NEGR1: variants seen among roughly 807,000 people sequenced by gnomAD.
NEGR1 encodes the protein IgLON family member 4.
Under a neutral mutation model 40.9 loss-of-function variants are expected in NEGR1, and 10 were observed. That is an observed-to-expected ratio of 0.24 (90% CI 0.15 to 0.42). The LOEUF (loss-of-function observed/expected upper bound fraction) is 0.42, where lower values mean the gene tolerates loss of function less well. Ranked by LOEUF, NEGR1 falls within the 10% of genes least tolerant of loss-of-function variation. NEGR1 has a pLI of 1.00. For synonymous variants in NEGR1, 185 were observed against 166.8 expected, an observed-to-expected ratio of 1.11 and a Z score of -0.84; for missense variants, 352 against 438.9, an observed-to-expected ratio of 0.80 and a Z score of 1.77.
Position 72,239,333 on chromosome 1 carries a change from C to T in NEGR1, c.176+42986G>A, listed in dbSNP as rs561829816. Among the ~76,000 whole-genome samples the T allele has an allele frequency of 4.6e-5, 7 of 151,880 alleles. No homozygotes were observed. In the East Asian group the frequency reaches 1.4e-3, roughly 29 times the overall value. ...AAACAAGACATAATCTTCAATTAAT[C>T]ATCAAATTCTGTTTAGTTGATATTT... On this transcript the variant is annotated intron_variant, in intron 1 of 6. Transcript: ENST00000357731.
intron 1 of NEGR1, among the ~76,000 whole-genome samples, chr1:71,941,464 ATCT>A (rs1267006259): frequency 6.6e-6 from 1 of 152,112 alleles, no homozygotes; most frequent in Non-Finnish European, 1.5e-5. Flanking sequence ...ACTTTATATA[ATCT>A]TATGATTGAC....
chr1:72,187,155 G>T (rs1362689668), intron 1 of NEGR1, among the ~76,000 whole-genome samples: 1 of 151,396 alleles, frequency 6.6e-6, no homozygotes, highest in African/African-American at 2.4e-5. Flanking sequence ...AGCTGGAAGA[G>T]ACTTTTCTTT....
intron 6 of NEGR1, among the ~76,000 whole-genome samples, chr1:71,490,472 A>G (rs915999249): frequency 6.6e-6 from 1 of 152,020 alleles, no homozygotes; most frequent in East Asian, 1.9e-4. Context: ...TTCTAACACA[A>G]CATTGATAGA....
intron 1 of NEGR1, among the ~76,000 whole-genome samples, chr1:72,146,141 T>A (rs918422698): frequency 1.3e-5 from 2 of 152,150 alleles, no homozygotes; most frequent in Admixed American, 6.6e-5. Flanking sequence ...ACTGTGTCAA[T>A]AGCAACACAG....
chr1:71,991,718 C>T (rs2630416), intron 1 of NEGR1, among the ~76,000 whole-genome samples: 74,746 of 152,078 alleles, frequency 0.49, 18,878 homozygotes, highest in East Asian at 0.67. Context: ...CCCAGCTTTA[C>T]AGCCCCAACC....
At chr1:71,976,041 T>A (rs1006598803) in intron 1 of NEGR1, among the ~76,000 whole-genome samples, 1 of 152,236 alleles carries the variant, frequency 6.6e-6, no homozygotes, top group African/African-American at 2.4e-5. Flanking sequence ...AAACATGATT[T>A]TTTAACAAAC....
At chr1:72,005,120 A>G (rs553268867) in intron 1 of NEGR1, among the ~76,000 whole-genome samples, 2 of 152,274 alleles carry the variant, frequency 1.3e-5, no homozygotes, top group East Asian at 3.9e-4. Flanking sequence ...GCATAGAAAC[A>G]TGCATAAGTG....
At chr1:72,236,262 T>TCA (rs556880354) in intron 1 of NEGR1, among the ~76,000 whole-genome samples, 77 of 151,810 alleles carry the variant, frequency 5.1e-4, no homozygotes, top group Non-Finnish European at 9.4e-4. Flanking sequence ...GAGGGGAACA[T>TCA]CACACACTGG....
intron 2 of NEGR1, among the ~76,000 whole-genome samples, chr1:71,927,007 CA>C (rs746458584): frequency 6.6e-6 from 1 of 151,852 alleles, no homozygotes; most frequent in Non-Finnish European, 1.5e-5. Context: ...ATATTTAGAA[CA>C]AAAAAATGTG....
At chr1:71,948,838 C>A (rs1646044163) in intron 1 of NEGR1, among the ~76,000 whole-genome samples, 2 of 152,058 alleles carry the variant, frequency 1.3e-5, no homozygotes, top group African/African-American at 4.8e-5. Context: ...TCAACCATGA[C>A]TTTCTGGCTG....
chr1:71,969,831 T>C (rs956991559), intron 1 of NEGR1, among the ~76,000 whole-genome samples: 2 of 152,210 alleles, frequency 1.3e-5, no homozygotes, highest in African/African-American at 4.8e-5. Flanking sequence ...TGACATCAAG[T>C]CATGAATTAT....
At chr1:72,113,181 G>A (rs1442078747) in intron 1 of NEGR1, among the ~76,000 whole-genome samples, 1 of 151,568 alleles carries the variant, frequency 6.6e-6, no homozygotes, top group Admixed American at 6.6e-5. Flanking sequence ...ATTTATGAAC[G>A]GACTAGCAAG....
intron 6 of NEGR1, among the ~76,000 whole-genome samples, chr1:71,534,562 T>C (rs1030188209): frequency 6.6e-6 from 1 of 151,698 alleles, no homozygotes; most frequent in Non-Finnish European, 1.5e-5. Context: ...CATAACAAGC[T>C]ACAATTAAAA....
chr1:72,084,216 G>A (rs1031542638), intron 1 of NEGR1, among the ~76,000 whole-genome samples: 3 of 152,090 alleles, frequency 2.0e-5, no homozygotes, highest in Non-Finnish European at 4.4e-5. Flanking sequence ...CAGCTATGGG[G>A]TGTGGAAGGA....
At chr1:71,553,702 T>C (rs1025414976) in intron 6 of NEGR1, among the ~76,000 whole-genome samples, 2 of 151,570 alleles carry the variant, frequency 1.3e-5, no homozygotes, top group Non-Finnish European at 3.0e-5. Context: ...GTGCATAATT[T>C]TAAAAAATTT....
chr1:71,584,970 G>A (rs1257118904), intron 6 of NEGR1, among the ~76,000 whole-genome samples: 2 of 152,074 alleles, frequency 1.3e-5, no homozygotes, highest in Non-Finnish European at 2.9e-5. Flanking sequence ...ATAGGTTACT[G>A]GCCAAGGTTG....
At chr1:71,641,467 G>C (rs1261116692) in intron 4 of NEGR1, among the ~76,000 whole-genome samples, 1 of 152,030 alleles carries the variant, frequency 6.6e-6, no homozygotes, top group East Asian at 1.9e-4. Context: ...TGACCCAGTG[G>C]TGGGTTTCCT....
intron 1 of NEGR1, among the ~76,000 whole-genome samples, chr1:72,049,229 T>G (rs889274156): frequency 2.0e-5 from 3 of 151,444 alleles, no homozygotes; most frequent in African/African-American, 7.3e-5. Context: ...TGGTCCCAGC[T>G]CTTCAGGAGG....
At chr1:71,820,023 G>C (rs560995627) in intron 2 of NEGR1, among the ~76,000 whole-genome samples, 1 of 152,134 alleles carries the variant, frequency 6.6e-6, no homozygotes, top group African/African-American at 2.4e-5. Flanking sequence ...TGGATAATAA[G>C]ATTTCAAAAT....
Sources: allele counts gnomAD v4.1 joint callset (sites outside exome capture counted in the v4.1 genomes callset), GRCh38; gene constraint gnomAD v4.1.1; transcripts MANE v1.5; gene names NCBI Gene and HGNC (gene_info 2026-07-23, HGNC 2026-07-21).